OVCH1: variants seen among roughly 807,000 people sequenced by gnomAD.
The protein encoded by OVCH1 is ovochymase-1.
In OVCH1, 139 loss-of-function variants were observed where a neutral mutation model predicts 138.4. The observed-to-expected ratio is 1.00, with a 90% CI of 0.87 to 1.16. The LOEUF is 1.16. OVCH1 is among the 50% of genes most tolerant of loss of function. The probability of loss-of-function intolerance (pLI) is 0.00; values close to 1 mark genes in which losing one functional copy is unlikely to be tolerated. For missense variants in OVCH1, 1,367 were observed against 1,357.9 expected, an observed-to-expected ratio of 1.01 and a Z score of -0.11; for synonymous variants, 453 against 467.8, an observed-to-expected ratio of 0.97 and a Z score of 0.41.
intron 16 of OVCH1, 131 bp from the exon 17 acceptor site, chr12:29,465,350 G>T: frequency 1.3e-6 from 1 of 745,422 alleles, no homozygotes; most frequent in Non-Finnish European, 2.1e-6. Context: ...GGTTTATGAA[G>T]AAGAGGTTTA....
At chr12:29,480,734 C>G (rs1427288241) in intron 8 of OVCH1, among the ~76,000 whole-genome samples, 6 of 114,206 alleles carry the variant, frequency 5.3e-5, no homozygotes, top group East Asian at 3.0e-4. Context: ...TACCAGAATA[C>G]AGAGAGGCTT....
chr12:29,443,676 A>G (rs984488247), intron 24 of OVCH1, among the ~76,000 whole-genome samples, 176 bp from the exon 25 acceptor site: 1 of 152,054 alleles, frequency 6.6e-6, no homozygotes, highest in African/African-American at 2.4e-5. Context: ...TATCAACTTT[A>G]TTATCTAATA....
At chr12:29,478,944 T>C in intron 8 of OVCH1, 1 of 1,458,844 alleles carries the variant, frequency 6.9e-7, no homozygotes. Context: ...TATCTTCTGG[T>C]ACCATTATTT....
chr12:29,483,829 A>G (rs1025373272), intron 8 of OVCH1, among the ~76,000 whole-genome samples: 1 of 152,044 alleles, frequency 6.6e-6, no homozygotes, highest in African/African-American at 2.4e-5. Flanking sequence ...TCAACGCCTC[A>G]TTTCAATGCC....
At chr12:29,485,014 C>T (rs1283390943) in intron 8 of OVCH1, among the ~76,000 whole-genome samples, 1 of 152,152 alleles carries the variant, frequency 6.6e-6, no homozygotes, top group Non-Finnish European at 1.5e-5. Flanking sequence ...GAATCAAAAT[C>T]AAAACTTTTA....
At chr12:29,428,305 C>T (rs1479239138) in intron 27 of OVCH1, among the ~76,000 whole-genome samples, 1 of 152,170 alleles carries the variant, frequency 6.6e-6, no homozygotes, top group Non-Finnish European at 1.5e-5. Context: ...GAAACCAATT[C>T]AGAACAAAGT....
chr12:29,440,617 G>C (rs895703828), intron 25 of OVCH1: 1 of 415,642 alleles, frequency 2.4e-6, no homozygotes, highest in African/African-American at 2.1e-5. Flanking sequence ...CAGGTGTTCT[G>C]TAGGGCAAGA....
chr12:29,456,894 C>T (rs1490587467), intron 19 of OVCH1, among the ~76,000 whole-genome samples: 1 of 152,176 alleles, frequency 6.6e-6, no homozygotes, highest in Non-Finnish European at 1.5e-5. Flanking sequence ...TTAGGCTTTC[C>T]AATTTTTAAT....
At position 29,477,490 on chromosome 12, in the gene OVCH1, AGAAG is replaced by A; in HGVS notation, c.1114-21_1114-18del. On this transcript the variant is annotated intron_variant, in intron 10 of 27. Coordinates refer to ENST00000318184, the Ensembl canonical transcript of OVCH1. ...TCCACAGACCTTACCTTAAAAGAAG[AGAAG>A]GAAAGTGAAATAACATTACTAAAAA... 1 of 1,613,964 alleles carries A rather than the reference AGAAG, an allele frequency of 6.2e-7. No individual in the cohort carries two copies. Among genetic ancestry groups the A allele is most frequent in the Non-Finnish European group, 8.5e-7 (1 of 1,179,874 alleles).
At chr12:29,477,143 A>T (rs578008024) in exon 12 of OVCH1, 15 of 1,613,124 alleles carry the variant, frequency 9.3e-6, no homozygotes, top group Non-Finnish European at 1.2e-5. Context: ...AACCAATGAC[A>T]CCTTGTGTTA....
chr12:29,440,816 G>T (rs150617783), intron 25 of OVCH1, 72 bp from the exon 26 acceptor site: 4 of 445,834 alleles, frequency 9.0e-6, no homozygotes, highest in East Asian at 7.1e-5. Context: ...GAATAAAAAA[G>T]ACAGCAGTTT....
chr12:29,440,069 T>C (rs1436291654), intron 25 of OVCH1, among the ~76,000 whole-genome samples: 4 of 152,192 alleles, frequency 2.6e-5, no homozygotes, highest in African/African-American at 9.6e-5. Flanking sequence ...ATCACATCAT[T>C]GGCAATTGCT....
At chr12:29,461,355 T>C (rs1471200634) in intron 19 of OVCH1, among the ~76,000 whole-genome samples, 1 of 152,238 alleles carries the variant, frequency 6.6e-6, no homozygotes, top group East Asian at 1.9e-4. Flanking sequence ...TCTGTCTTTT[T>C]CTTGGTTAAT....
intron 25 of OVCH1, among the ~76,000 whole-genome samples, chr12:29,441,021 T>C (rs1941471439): frequency 6.6e-6 from 1 of 152,130 alleles, no homozygotes; most frequent in Non-Finnish European, 1.5e-5. Context: ...TGCATGGTGG[T>C]GGGGTGTTTC....
chr12:29,408,672 T>C, downstream of OVCH1, among the ~76,000 whole-genome samples: 1 of 136,260 alleles, frequency 7.3e-6, no homozygotes, highest in Non-Finnish European at 1.6e-5. Flanking sequence ...TTGATCATGG[T>C]GGATAAGCTT....
chr12:29,432,173 T>C (rs1181835628), intron 27 of OVCH1, among the ~76,000 whole-genome samples: 1 of 152,190 alleles, frequency 6.6e-6, no homozygotes, highest in East Asian at 1.9e-4. Flanking sequence ...CCAGATCCTA[T>C]AGCATCTTGT....
chr12:29,404,055 A>T, the OVCH1 span, among the ~76,000 whole-genome samples: 1 of 152,254 alleles, frequency 6.6e-6, no homozygotes, highest in African/African-American at 2.4e-5. Context: ...AATGATAATG[A>T]TGGGCGGAAG....
intron 9 of OVCH1, 145 bp from the exon 11 acceptor site, chr12:29,477,623 T>G: frequency 6.2e-7 from 1 of 1,601,298 alleles, no homozygotes; most frequent in Non-Finnish European, 8.5e-7. Flanking sequence ...CATTCAACAT[T>G]CCCTGCTTCA....
chr12:29,496,232 A>G (rs1286339281), exon 3 of OVCH1: 3 of 1,609,718 alleles, frequency 1.9e-6, no homozygotes, highest in South Asian at 1.1e-5. Context: ...ATCTTCTTGA[A>G]TCAAGCTTCC....
Sources: allele counts gnomAD v4.1 joint callset (sites outside exome capture counted in the v4.1 genomes callset), GRCh38; gene constraint gnomAD v4.1.1; transcripts MANE v1.5; gene names NCBI Gene and HGNC (gene_info 2026-07-23, HGNC 2026-07-21).